Variants in POLB observed in about 807,000 individuals in gnomAD.
POLB encodes the protein 5'-dRP lyase.
POLB carries 37 observed loss-of-function variants against 52.7 expected under a neutral mutation model. That is an observed-to-expected ratio of 0.70 (90% CI 0.54 to 0.92). POLB has a LOEUF of 0.92. Ranked by LOEUF, POLB falls within the 40% of genes least tolerant of loss-of-function variation. The pLI is 0.00. For synonymous variants in POLB, 138 were observed against 131.3 expected (o/e 1.05, Z -0.35); for missense variants, 313 against 400.8 (o/e 0.78, Z 1.87).
chr8:42,342,649 A>T, intron 2 of POLB: 1 of 600,956 alleles, frequency 1.7e-6, no homozygotes, highest in Non-Finnish European at 3.0e-6. Context: ...TGGAACAGAG[A>T]CCTGCAGGCC....
intron 2 of POLB, among the ~76,000 whole-genome samples, chr8:42,340,631 A>T (rs994655412): frequency 1.3e-5 from 2 of 152,186 alleles, no homozygotes; most frequent in Non-Finnish European, 2.9e-5. Context: ...TTCCCTGGCA[A>T]TCTTGCCATT....
Position 42,352,581 on chromosome 8 carries a change from G to A in POLB, c.370+13G>A. 5 of 1,508,996 alleles carry A rather than the reference G, an allele frequency of 3.3e-6. No individual in the cohort carries two copies. The highest frequency in any genetic ancestry group is 4.6e-6 in the Non-Finnish European group (5 of 1,084,308). 93.5% of individuals were successfully genotyped at this position (1,508,996 alleles called of 1,614,324 possible). A position where few individuals can be genotyped will look rare whatever the true frequency, so the allele number is the denominator to read the frequency against. On this transcript the variant is annotated intron_variant, in intron 6 of 13. Transcript: ENST00000265421. The stretch of plus-strand genomic sequence containing the variant: ...AAAACACTAGAAGGTGAGTATGACT[G>A]TAGGTCACTAATTCCAGATTAAATA...
rs1268234381 is a variant in POLB, at chr8:42,353,174, C to CT, written c.370+621dup. On this transcript the variant is annotated intron_variant, in intron 6 of 13. Coordinates refer to ENST00000265421, the MANE Select transcript of POLB (RefSeq NM_002690.3). ...TCAAATATCTAAATTGCCTTTATTT[C>CT]TTTTTTTTTTTTTTTGCTCTGCCTC... Among the ~76,000 whole-genome samples, 457 of 138,344 alleles carry CT rather than the reference C, an allele frequency of 3.3e-3. 2 individuals are homozygous for CT. The highest frequency in any genetic ancestry group is 0.021 in the South Asian group (89 of 4,206). The allele number at this position is 138,344 out of a possible 152,430, so 90.8% of individuals were successfully genotyped here.
chr8:42,350,910 A>G (rs1327273195), intron 5 of POLB, among the ~76,000 whole-genome samples: 3 of 151,090 alleles, frequency 2.0e-5, no homozygotes, highest in African/African-American at 4.9e-5. Flanking sequence ...TTATTCTGCT[A>G]TCTAGGCTAG....
chr8:42,344,341 T>C (rs117965345), intron 2 of POLB, among the ~76,000 whole-genome samples: 2,138 of 151,336 alleles, frequency 0.014, 25 homozygotes, highest in Non-Finnish European at 0.023. Context: ...TGGTGGCGGG[T>C]ACCTATAATC....
chr8:42,344,401 G>A (rs1009245026), intron 2 of POLB, among the ~76,000 whole-genome samples: 13 of 151,798 alleles, frequency 8.6e-5, no homozygotes, highest in South Asian at 4.1e-4. Flanking sequence ...CCCCAGAGGC[G>A]GAGGTTGTGG....
chr8:42,353,483 T>A (rs1563397992), intron 6 of POLB, among the ~76,000 whole-genome samples: 1 of 152,200 alleles, frequency 6.6e-6, no homozygotes, highest in East Asian at 1.9e-4. Flanking sequence ...CTGAAAAAGA[T>A]TCTGTAAGAG....
chr8:42,364,909 C>T (rs1823945327), intron 11 of POLB, among the ~76,000 whole-genome samples: 2 of 151,880 alleles, frequency 1.3e-5, no homozygotes, highest in South Asian at 4.2e-4. Flanking sequence ...TACTTAATGC[C>T]ACAGAATGGT....
At chr8:42,364,823 G>A (rs1585915547) in intron 11 of POLB, among the ~76,000 whole-genome samples, 1 of 152,192 alleles carries the variant, frequency 6.6e-6, no homozygotes, top group Non-Finnish European at 1.5e-5. Context: ...TGTTTAAATG[G>A]CACAGAGTTT....
chr8:42,371,193 G>A (rs573809658), intron 13 of POLB, among the ~76,000 whole-genome samples: 4 of 152,136 alleles, frequency 2.6e-5, no homozygotes, highest in East Asian at 1.9e-4. Context: ...GCACATTCTC[G>A]GCTCACTGCA....
At chr8:42,371,502 C>A in intron 13 of POLB, 61 bp from the exon 14 acceptor site, 1 of 833,202 alleles carries the variant, frequency 1.2e-6, no homozygotes. Context: ...TAATCTTGAA[C>A]CCTCTATAAC....
Position 42,362,606 on chromosome 8 carries a change from C to G in POLB, c.622-6C>G, listed in dbSNP as rs376765603. 6.4e-7 allele frequency: 1 copy of G among 1,571,684 alleles called. No individual in the cohort carries two copies. The highest frequency in any genetic ancestry group is 1.7e-5 in the Admixed American group (1 of 58,582). Reference sequence around the variant, plus strand: ...TTTTTCTTATTCCCTAATTATGATTCTACAGCCAAAACTGTTACATCAGGT... The same window carrying G: ...TTTTTCTTATTCCCTAATTATGATTGTACAGCCAAAACTGTTACATCAGGT... On this transcript the variant is annotated splice_polypyrimidine_tract_variant and splice_region_variant and intron_variant, in intron 10 of 13. Coordinates refer to ENST00000265421, the MANE Select transcript of POLB (RefSeq NM_002690.3).
intron 5 of POLB, among the ~76,000 whole-genome samples, chr8:42,352,250 TGAAC>T (rs1823020101): frequency 6.6e-6 from 1 of 152,198 alleles, no homozygotes; most frequent in Non-Finnish European, 1.5e-5. Flanking sequence ...GTTCAATGAA[TGAAC>T]AGTTTTCAAG....
Position 42,361,568 on chromosome 8 carries a change from A to C in POLB, c.621+203A>C, listed in dbSNP as rs1823690836. The C allele has an allele frequency of 9.1e-6, 5 of 551,236 alleles. No individual in the cohort carries two copies. In the South Asian group the frequency reaches 9.2e-5, roughly 10 times the overall value. 34.1% of individuals were successfully genotyped at this position (551,236 alleles called of 1,614,324 possible). A position where few individuals can be genotyped will look rare whatever the true frequency, so the allele number is the denominator to read the frequency against. On this transcript the variant is annotated intron_variant, in intron 10 of 13. Coordinates refer to ENST00000265421, the MANE Select transcript of POLB (RefSeq NM_002690.3). ...TTCTTCCATGAGTTGCTGGGAGGACAGTCTAACATTTGAAAGAGAAAACAT... is the reference window on the plus strand; with the variant it reads ...TTCTTCCATGAGTTGCTGGGAGGACCGTCTAACATTTGAAAGAGAAAACAT...
intron 2 of POLB, 132 bp from the exon 3 acceptor site, chr8:42,344,820 CA>C (rs371763819): frequency 4.8e-4 from 293 of 605,296 alleles, no homozygotes; most frequent in Middle Eastern, 9.0e-4. Context: ...TCAAAAAAAA[CA>C]AAAAAAAAGA....
intron 6 of POLB, among the ~76,000 whole-genome samples, chr8:42,355,080 C>T (rs886410498): frequency 4.0e-5 from 6 of 151,670 alleles, no homozygotes; most frequent in African/African-American, 1.5e-4. Context: ...GCTCTGTTGC[C>T]CAGGCTGGAT....
chr8:42,358,098 C>G (rs1056224094), intron 9 of POLB, among the ~76,000 whole-genome samples: 1 of 152,068 alleles, frequency 6.6e-6, no homozygotes, highest in African/African-American at 2.4e-5. Flanking sequence ...TTACAACAAC[C>G]GGGTTCATCA....
At chr8:42,362,807 A>G in intron 11 of POLB, 109 bp downstream of exon 11, 2 of 625,238 alleles carry the variant, frequency 3.2e-6, no homozygotes, top group Middle Eastern at 5.1e-4. Context: ...CACCAAATAG[A>G]GTATCCATGA....
At chr8:42,370,271 T>TGG in intron 13 of POLB, 1 of 452,120 alleles carries the variant, frequency 2.2e-6, no homozygotes, top group East Asian at 5.5e-5. Flanking sequence ...TTTTTTTTTT[T>TGG]TTTTTTTTTT....
Sources: allele counts gnomAD v4.1 joint callset (sites outside exome capture counted in the v4.1 genomes callset), GRCh38; gene constraint gnomAD v4.1.1; transcripts MANE v1.5; gene names NCBI Gene and HGNC (gene_info 2026-07-23, HGNC 2026-07-21).